ERP44: variants seen among roughly 807,000 people sequenced by gnomAD.
ERP44 encodes the protein endoplasmic reticulum resident protein 44.
A neutral mutation model predicts 53.4 loss-of-function variants in ERP44; 25 were observed. The ratio of observed to expected loss-of-function variants is 0.47; its 90% CI spans 0.34 to 0.65. The LOEUF is 0.65. Among genes scored for constraint, ERP44 ranks in the 30% least tolerant of loss-of-function variants. The pLI is 0.01. For missense variants in ERP44, 338 were observed against 493.2 expected (o/e 0.69, Z 2.98); for synonymous variants, 145 against 161.2 (o/e 0.90, Z 0.76).
intron 3 of ERP44, among the ~76,000 whole-genome samples, chr9:100,054,542 GC>G (rs1030903281): frequency 1.3e-5 from 2 of 152,146 alleles, no homozygotes; most frequent in Non-Finnish European, 2.9e-5. Flanking sequence ...CAGGTTGAAT[GC>G]CCCTAATCTA....
Position 100,020,715 on chromosome 9 carries a change from A to G in ERP44, c.488T>C (p.Ile163Thr), listed in dbSNP as rs768073902. 6 of 1,590,052 alleles carry G rather than the reference A, an allele frequency of 3.8e-6. No individual in the cohort carries two copies. Among genetic ancestry groups the G allele is most frequent in the Non-Finnish European group, 4.3e-6 (5 of 1,159,276 alleles). ...ITTLDRSKRN[I>T]IGYFEQKDSD... The stretch of plus-strand genomic sequence containing the variant: ...GTCCTTTTGCTCAAAATATCCAATG[A>G]TATTTCTTTTGCTGCGCTGTAAAAT... The change falls in exon 6 of 12, where the codon ATC becomes ACC. Residue 163 changes from isoleucine (I) to threonine (T), a missense_variant. By Grantham distance (89) the Ile-to-Thr change is moderately conservative. Transcript: ENST00000262455.
chr9:100,087,347 C>T (rs537963026), intron 1 of ERP44, among the ~76,000 whole-genome samples: 8 of 152,184 alleles, frequency 5.3e-5, no homozygotes, highest in Non-Finnish European at 1.0e-4. Flanking sequence ...AAGAAGACCA[C>T]AGACCACAAA....
chr9:100,000,433 A>AC (rs1394026279), intron 10 of ERP44, among the ~76,000 whole-genome samples: 1 of 88,378 alleles, frequency 1.1e-5, no homozygotes, highest in African/African-American at 5.3e-5. Flanking sequence ...AAGATCCTGT[A>AC]TCAAAAAAAA....
At chr9:100,053,734 A>G (rs1053534365) in intron 3 of ERP44, among the ~76,000 whole-genome samples, 1 of 152,230 alleles carries the variant, frequency 6.6e-6, no homozygotes, top group African/African-American at 2.4e-5. Context: ...CTAGGTAATT[A>G]AAGGGACCCA....
chr9:99,979,704 C>A lies in ERP44; in HGVS notation c.*2908G>T. 1 of 367,084 alleles carries A rather than the reference C, an allele frequency of 2.7e-6. No homozygotes were observed. Among genetic ancestry groups the A allele is most frequent in the Non-Finnish European group, 4.8e-6 (1 of 206,468 alleles). The allele number at this position is 367,084 out of a possible 1,614,324, so 22.7% of individuals were successfully genotyped here. On this transcript the variant is annotated 3_prime_UTR_variant, in exon 12 of 12. Coordinates refer to ENST00000262455, the MANE Select transcript of ERP44 (RefSeq NM_015051.3). ...ACTCAACCGTGTTCTTCAGTCTGGT[C>A]TTGCATCCTCTCTTCCCAGCTGAGA...
chr9:100,002,544 G>A (rs995469247), intron 10 of ERP44, among the ~76,000 whole-genome samples: 1 of 152,114 alleles, frequency 6.6e-6, no homozygotes, highest in Non-Finnish European at 1.5e-5. Flanking sequence ...AATATTGCTG[G>A]TTGGCAGTTT....
intron 7 of ERP44, among the ~76,000 whole-genome samples, chr9:100,017,527 T>C (rs1830536810): frequency 6.6e-6 from 1 of 152,218 alleles, no homozygotes. Flanking sequence ...AACACCTATG[T>C]GAATTCAAAA....
intron 10 of ERP44, among the ~76,000 whole-genome samples, chr9:99,988,295 C>T (rs533035099): frequency 6.6e-6 from 1 of 152,234 alleles, no homozygotes; most frequent in East Asian, 1.9e-4. Context: ...TAAATGATTT[C>T]CTTTTATGGA....
intron 4 of ERP44, among the ~76,000 whole-genome samples, chr9:100,040,152 T>C (rs147705047): frequency 1.3e-5 from 2 of 152,110 alleles, no homozygotes; most frequent in Non-Finnish European, 2.9e-5. Context: ...GAGGAGGGAA[T>C]ACTTCCAGAC....
chr9:100,068,686 C>T (rs1447247819), intron 1 of ERP44, among the ~76,000 whole-genome samples: 6 of 141,782 alleles, frequency 4.2e-5, no homozygotes, highest in Admixed American at 6.9e-5. Context: ...ACCCCCCACC[C>T]GGCCAGCCGC....
chr9:99,984,080 T>C (rs1015293255), intron 11 of ERP44, among the ~76,000 whole-genome samples: 1 of 152,194 alleles, frequency 6.6e-6, no homozygotes, highest in African/African-American at 2.4e-5. Flanking sequence ...TTATCAAAAA[T>C]CTGACCTAAT....
intron 10 of ERP44, among the ~76,000 whole-genome samples, chr9:99,993,712 A>G (rs920011657): frequency 8.5e-5 from 13 of 152,236 alleles, no homozygotes; most frequent in African/African-American, 3.1e-4. Context: ...AACTACCATC[A>G]GAGTGAACAG....
At chr9:100,021,922 T>A in intron 5 of ERP44, 120 bp downstream of exon 5, 1 of 844,624 alleles carries the variant, frequency 1.2e-6, no homozygotes, top group Non-Finnish European at 1.9e-6. Context: ...TCATTAAGTA[T>A]ACGTATGTCA....
At chr9:100,043,615 C>T (rs1825937474) in intron 4 of ERP44, among the ~76,000 whole-genome samples, 2 of 151,956 alleles carry the variant, frequency 1.3e-5, no homozygotes, top group East Asian at 1.9e-4. Flanking sequence ...ATTAGCTGGC[C>T]GTGGTGGCGC....
intron 4 of ERP44, among the ~76,000 whole-genome samples, chr9:100,040,213 A>G (rs1325738659): frequency 6.6e-6 from 1 of 152,192 alleles, no homozygotes; most frequent in Non-Finnish European, 1.5e-5. Context: ...ACAAAGGCAC[A>G]TCCACACAAG....
At chr9:99,994,182 A>G (rs530394870) in intron 10 of ERP44, among the ~76,000 whole-genome samples, 1 of 152,322 alleles carries the variant, frequency 6.6e-6, no homozygotes, top group Non-Finnish European at 1.5e-5. Flanking sequence ...AAATCATGCT[A>G]TTATAAAGAC....
chr9:100,089,935 C>T (rs1826531871), intron 1 of ERP44, among the ~76,000 whole-genome samples: 1 of 152,174 alleles, frequency 6.6e-6, no homozygotes, highest in Non-Finnish European at 1.5e-5. Context: ...ACTACTGTAA[C>T]TCTAAAGCAA....
chr9:100,008,545 G>C (rs548477609), intron 8 of ERP44, among the ~76,000 whole-genome samples: 9 of 152,218 alleles, frequency 5.9e-5, no homozygotes, highest in Non-Finnish European at 2.9e-5. Flanking sequence ...CTATCCTTTT[G>C]AGGATCTCTC....
chr9:100,006,799 T>C lies in ERP44; in HGVS notation c.875-152A>G, dbSNP rs1830429158. 3 of 548,896 alleles carry C rather than the reference T, an allele frequency of 5.5e-6. No individual in the cohort carries two copies. The African/African-American group carries it at 5.8e-5, about 11-fold the overall frequency. 34.0% of individuals were successfully genotyped at this position (548,896 alleles called of 1,614,324 possible). On this transcript the variant is annotated intron_variant, in intron 9 of 11. Coordinates refer to ENST00000262455, the MANE Select transcript of ERP44 (RefSeq NM_015051.3). ...TCAGAAAAACTAAAACCTAAATATC[T>C]AACACTTAAAATAGGTAGGCTTTTA...
Sources: gnomAD v4.1 joint callset for allele counts (sites outside exome capture counted in the v4.1 genomes callset) on GRCh38, gnomAD v4.1.1 for gene constraint, MANE v1.5 for transcripts, NCBI Gene and HGNC (gene_info 2026-07-23, HGNC 2026-07-21) for gene names.